Variants in RIMBP2 observed in about 807,000 individuals in gnomAD.
RIMBP2 encodes the protein RIMS binding protein 2.
Under a neutral mutation model 118.6 loss-of-function variants are expected in RIMBP2, and 48 were observed. That is an observed-to-expected ratio of 0.40 (90% CI 0.32 to 0.51). The LOEUF is 0.51. Among genes scored for constraint, RIMBP2 ranks in the 20% least tolerant of loss-of-function variants. RIMBP2 has a pLI of 0.41. For missense variants in RIMBP2, 1,551 were observed against 1,768.3 expected, an observed-to-expected ratio of 0.88 and a Z score of 2.20; for synonymous variants, 762 against 742.9, an observed-to-expected ratio of 1.03 and a Z score of -0.42.
At position 130,469,465 on chromosome 12, in the gene RIMBP2, T is replaced by C. The variant is rs1006441441; in HGVS notation, c.153+1228A>G. On this transcript the variant is annotated intron_variant, in intron 6 of 22. Transcript: ENST00000690449. The surrounding 1 kb of genome is among the most constrained non-coding windows in gnomAD (Gnocchi z 4.8). ...GGAGACGATGCAAATTAAAGTGCGG[T>C]GGATAACTCAGGCCAGGGAAAGTGA... Among the ~76,000 whole-genome samples the C allele has an allele frequency of 1.3e-5, 2 of 152,016 alleles. No homozygotes were observed. Among genetic ancestry groups the C allele is most frequent in the African/African-American group, 4.8e-5 (2 of 41,364 alleles).
At chr12:130,499,200 C>A (rs997037842) in intron 4 of RIMBP2, among the ~76,000 whole-genome samples, 1 of 152,120 alleles carries the variant, frequency 6.6e-6, no homozygotes, top group Non-Finnish European at 1.5e-5. Flanking sequence ...GAGAAATCTG[C>A]CCCCATGATC....
intron 1 of RIMBP2, among the ~76,000 whole-genome samples, chr12:130,706,084 G>T (rs1347292826): frequency 6.6e-6 from 1 of 152,232 alleles, no homozygotes; most frequent in African/African-American, 2.4e-5. Context: ...TGATTGGTCT[G>T]TTTGGAGTTT....
intron 1 of RIMBP2, among the ~76,000 whole-genome samples, chr12:130,680,899 T>A (rs2064752028): frequency 6.6e-6 from 1 of 152,204 alleles, no homozygotes; most frequent in Non-Finnish European, 1.5e-5. Flanking sequence ...GTGTGATAGA[T>A]TAACTTTTGA....
intron 2 of RIMBP2, among the ~76,000 whole-genome samples, chr12:130,530,233 C>T (rs1448422129): frequency 6.6e-6 from 1 of 152,050 alleles, no homozygotes; most frequent in East Asian, 1.9e-4. Flanking sequence ...GGGAACTTAC[C>T]GAGACTTGAT....
chr12:130,712,130 T>A (rs573792002), intron 1 of RIMBP2, among the ~76,000 whole-genome samples: 2 of 152,154 alleles, frequency 1.3e-5, no homozygotes, highest in African/African-American at 4.8e-5. Flanking sequence ...GAGTGAGGAG[T>A]GGACGTGAGG....
At chr12:130,713,273 G>A (rs1050774144) in intron 1 of RIMBP2, among the ~76,000 whole-genome samples, 1 of 128,368 alleles carries the variant, frequency 7.8e-6, no homozygotes, top group East Asian at 2.2e-4. Context: ...AAGGAAGGAA[G>A]GACTGAGGAG....
chr12:130,634,109 C>T (rs746048253), intron 1 of RIMBP2, among the ~76,000 whole-genome samples: 2 of 152,234 alleles, frequency 1.3e-5, no homozygotes, highest in Non-Finnish European at 2.9e-5. Context: ...ACCTGTCCTT[C>T]GACAACGAGC....
At chr12:130,697,626 A>G (rs2065636970) in intron 1 of RIMBP2, among the ~76,000 whole-genome samples, 2 of 152,034 alleles carry the variant, frequency 1.3e-5, no homozygotes, top group African/African-American at 4.8e-5. Flanking sequence ...GTCCTTCCTA[A>G]ATTGGATGTG....
rs1445347149 is a variant in RIMBP2, at chr12:130,420,368, T to G, written c.3238+2085A>C. 6.6e-6 allele frequency among the ~76,000 whole-genome samples: 1 copy of G among 152,226 alleles called. No homozygotes were observed. Among genetic ancestry groups the G allele is most frequent in the Non-Finnish European group, 1.5e-5 (1 of 68,040 alleles). ...CTATCATAGGTTTGTCAGTTAACTCTTTTCTGAGTTATGTTCAGAGGCTTT... is the reference window on the plus strand; with the variant it reads ...CTATCATAGGTTTGTCAGTTAACTCGTTTCTGAGTTATGTTCAGAGGCTTT... On this transcript the variant is annotated intron_variant, in intron 17 of 22. Transcript: ENST00000690449. The surrounding 1 kb of genome is among the most constrained non-coding windows in gnomAD (Gnocchi z 4.3).
intron 4 of RIMBP2, among the ~76,000 whole-genome samples, chr12:130,491,676 G>T (rs1333511572): frequency 6.6e-6 from 1 of 152,146 alleles, no homozygotes; most frequent in Non-Finnish European, 1.5e-5. Context: ...GAAAACCTCG[G>T]GTTTCGCCCA....
intron 2 of RIMBP2, among the ~76,000 whole-genome samples, chr12:130,554,162 G>A (rs1398000158): frequency 6.6e-6 from 1 of 152,182 alleles, no homozygotes; most frequent in Non-Finnish European, 1.5e-5. Flanking sequence ...CTGGGAGCAG[G>A]TACAGGAATC....
At chr12:130,563,212 C>T (rs2056952373) in intron 2 of RIMBP2, among the ~76,000 whole-genome samples, 1 of 152,216 alleles carries the variant, frequency 6.6e-6, no homozygotes, top group Non-Finnish European at 1.5e-5. Context: ...CCCATCGCCC[C>T]TTAGACCACT....
At chr12:130,618,730 C>A (rs1345212330) in intron 2 of RIMBP2, among the ~76,000 whole-genome samples, 1 of 152,156 alleles carries the variant, frequency 6.6e-6, no homozygotes, top group African/African-American at 2.4e-5. Context: ...CTTTATAGCT[C>A]TGTAATGTAA....
At chr12:130,600,946 T>C (rs1022380358) in intron 2 of RIMBP2, among the ~76,000 whole-genome samples, 1 of 152,178 alleles carries the variant, frequency 6.6e-6, no homozygotes, top group African/African-American at 2.4e-5. Flanking sequence ...TCACTACTTA[T>C]TGGTTCTCTT....
chr12:130,713,427 G>A (rs1950107798), intron 1 of RIMBP2, among the ~76,000 whole-genome samples: 2 of 152,148 alleles, frequency 1.3e-5, no homozygotes, highest in Admixed American at 6.5e-5. Context: ...GTCCTCAGCT[G>A]GTTGCAAGCC....
chr12:130,399,077 G>A (rs560149457), intron 22 of RIMBP2: 132 of 1,202,728 alleles, frequency 1.1e-4, no homozygotes, highest in Non-Finnish European at 1.4e-4. Flanking sequence ...GGTAGCTTAA[G>A]TTGGTATCTT....
At chr12:130,416,911 T>C (rs2076133288) in intron 17 of RIMBP2, among the ~76,000 whole-genome samples, 2 of 151,960 alleles carry the variant, frequency 1.3e-5, no homozygotes, top group Admixed American at 1.3e-4. Flanking sequence ...ATGAATAGAC[T>C]TCTCAAAAGA....
chr12:130,479,068 C>T (rs562550221), intron 4 of RIMBP2, 52 bp from the exon 5 acceptor site: 46 of 1,467,428 alleles, frequency 3.1e-5, no homozygotes, highest in Non-Finnish European at 4.2e-5. Flanking sequence ...TGCCCATGGG[C>T]GTGCATCCTA....
chr12:130,591,060 C>G (rs1394260035), intron 2 of RIMBP2, among the ~76,000 whole-genome samples: 3 of 152,162 alleles, frequency 2.0e-5, no homozygotes, highest in Admixed American at 6.5e-5. Context: ...CAGGTCATAT[C>G]CATAGGGCTA....
Sources: gnomAD v4.1 joint callset for allele counts (sites outside exome capture counted in the v4.1 genomes callset) on GRCh38, gnomAD v4.1.1 for gene constraint, Gnocchi (gnomAD v3.1) non-coding constraint, MANE v1.5 for transcripts, NCBI Gene and HGNC (gene_info 2026-07-23, HGNC 2026-07-21) for gene names.